Variants in FBXL20 observed in about 807,000 individuals in gnomAD.
FBXL20 encodes the protein F-box and leucine rich repeat protein 20, also known as F-box/LRR-repeat protein 20.
A neutral mutation model predicts 64.0 loss-of-function variants in FBXL20; 11 were observed. The ratio of observed to expected loss-of-function variants is 0.17; its 90% CI spans 0.11 to 0.28. The LOEUF is 0.28. Ranked by LOEUF, FBXL20 falls within the 10% of genes least tolerant of loss-of-function variation. The pLI, the probability that FBXL20 is intolerant of heterozygous loss-of-function variation, is 1.00. For missense variants in FBXL20, 303 were observed against 526.2 expected, an observed-to-expected ratio of 0.58 and a Z score of 4.15; for synonymous variants, 184 against 189.0, an observed-to-expected ratio of 0.97 and a Z score of 0.22.
chr17:39,396,409 A>AAT (rs2048183663), intron 1 of FBXL20, among the ~76,000 whole-genome samples: 2 of 151,560 alleles, frequency 1.3e-5, no homozygotes, highest in Non-Finnish European at 2.9e-5. Flanking sequence ...CAGTCTGGCC[A>AAT]ATATGGCAAA....
At chr17:39,312,824 C>A (rs1432969078) in intron 2 of FBXL20, among the ~76,000 whole-genome samples, 1 of 151,254 alleles carries the variant, frequency 6.6e-6, no homozygotes, top group African/African-American at 2.4e-5. Flanking sequence ...GATCCGCCTG[C>A]CTCAGCCTCC....
At chr17:39,263,865 T>C (rs1434124604) in intron 14 of FBXL20, 2 of 228,180 alleles carry the variant, frequency 8.8e-6, no homozygotes, top group African/African-American at 4.6e-5. Flanking sequence ...AACAAAAATG[T>C]GGCATGTGCT....
In FBXL20 at chr17:39,363,172, A is replaced by G. The variant is rs1439242908; in HGVS notation, c.43-19931T>C. ...ATTACAGGCATGTGCCACCACACCCAGCTAATTTTTTTTGTATTTTTAGTA... is the reference window on the plus strand; with the variant it reads ...ATTACAGGCATGTGCCACCACACCCGGCTAATTTTTTTTGTATTTTTAGTA... On this transcript the variant is annotated intron_variant, in intron 1 of 14. Coordinates refer to ENST00000264658, the MANE Select transcript of FBXL20 (RefSeq NM_032875.3). Among the ~76,000 whole-genome samples the G allele has an allele frequency of 2.0e-5, 3 of 151,908 alleles. No homozygotes were observed. The East Asian group carries it at 5.8e-4, about 30-fold the overall frequency.
At chr17:39,310,041 T>C (rs1052493628) in intron 2 of FBXL20, among the ~76,000 whole-genome samples, 9 of 150,986 alleles carry the variant, frequency 6.0e-5, no homozygotes, top group African/African-American at 1.9e-4. Context: ...TAGCCTCAGT[T>C]ACTCGGGAGG....
intron 14 of FBXL20, chr17:39,263,941 C>G: frequency 2.1e-6 from 1 of 466,838 alleles, no homozygotes; most frequent in Non-Finnish European, 3.9e-6. Context: ...ACAGACTCTG[C>G]TGGGAGGAGA....
intron 6 of FBXL20, among the ~76,000 whole-genome samples, chr17:39,287,258 C>T (rs1196304143): frequency 2.0e-5 from 3 of 152,074 alleles, no homozygotes; most frequent in Non-Finnish European, 4.4e-5. Context: ...TTAATATCAT[C>T]TGATACTGAA....
At chr17:39,267,708 C>G (rs2046804674) in intron 12 of FBXL20, among the ~76,000 whole-genome samples, 1 of 152,094 alleles carries the variant, frequency 6.6e-6, no homozygotes, top group Non-Finnish European at 1.5e-5. Flanking sequence ...AATTCTTCTC[C>G]AACTCTGAGT....
intron 2 of FBXL20, among the ~76,000 whole-genome samples, chr17:39,305,780 G>A (rs1383428819): frequency 6.6e-6 from 1 of 152,074 alleles, no homozygotes; most frequent in Admixed American, 6.6e-5. Context: ...GAGGTCAGGA[G>A]TTCGAGACCA....
At chr17:39,355,719 G>T (rs2047730270) in intron 1 of FBXL20, among the ~76,000 whole-genome samples, 1 of 151,968 alleles carries the variant, frequency 6.6e-6, no homozygotes, top group Non-Finnish European at 1.5e-5. Context: ...GCTGCGCGTG[G>T]TGGCAGGTGC....
At chr17:39,325,106 G>A (rs2047398069) in intron 2 of FBXL20, among the ~76,000 whole-genome samples, 1 of 152,178 alleles carries the variant, frequency 6.6e-6, no homozygotes, top group Non-Finnish European at 1.5e-5. Context: ...TACTCAGGAG[G>A]CTGAGGTGAG....
At chr17:39,276,155 G>C (rs1207260683) in intron 9 of FBXL20, among the ~76,000 whole-genome samples, 2 of 140,338 alleles carry the variant, frequency 1.4e-5, no homozygotes, top group East Asian at 2.3e-4. Flanking sequence ...GCTGACACAG[G>C]AGAATCGCTT....
chr17:39,283,003 G>T, intron 7 of FBXL20, 148 bp from the exon 8 acceptor site: 1 of 868,582 alleles, frequency 1.2e-6, no homozygotes, highest in Non-Finnish European at 1.8e-6. Flanking sequence ...TGTATATTTA[G>T]ATTTATCGAT....
intron 6 of FBXL20, among the ~76,000 whole-genome samples, chr17:39,286,782 G>C (rs2046991951): frequency 6.6e-6 from 1 of 151,524 alleles, no homozygotes; most frequent in Non-Finnish European, 1.5e-5. Context: ...TGGGCAACAA[G>C]AGTGAAACTC....
intron 2 of FBXL20, among the ~76,000 whole-genome samples, chr17:39,338,636 C>A (rs1025586747): frequency 1.1e-4 from 17 of 152,146 alleles, no homozygotes; most frequent in Non-Finnish European, 2.5e-4. Context: ...GAACATAATT[C>A]TGCAGTGGAT....
chr17:39,382,288 A>G (rs2048031599), intron 1 of FBXL20, among the ~76,000 whole-genome samples: 1 of 151,548 alleles, frequency 6.6e-6, no homozygotes, highest in Non-Finnish European at 1.5e-5. Flanking sequence ...CTAAAAATAC[A>G]AAAAATTAGC....
intron 1 of FBXL20, among the ~76,000 whole-genome samples, chr17:39,396,558 T>G (rs920247347): frequency 2.7e-5 from 4 of 146,884 alleles, no homozygotes; most frequent in Non-Finnish European, 5.9e-5. Context: ...ATCGCACCAT[T>G]GCACTCTGAC....
At chr17:39,337,394 T>C (rs1431886571) in intron 2 of FBXL20, among the ~76,000 whole-genome samples, 1 of 152,204 alleles carries the variant, frequency 6.6e-6, no homozygotes, top group Non-Finnish European at 1.5e-5. Flanking sequence ...TTGCAGCCTC[T>C]GCCCGGCCGC....
chr17:39,394,601 G>A (rs2048165496), intron 1 of FBXL20, among the ~76,000 whole-genome samples: 1 of 145,454 alleles, frequency 6.9e-6, no homozygotes, highest in Admixed American at 7.0e-5. Context: ...GTCTCATTCT[G>A]TCTCCCAGGC....
intron 8 of FBXL20, among the ~76,000 whole-genome samples, chr17:39,281,685 A>G (rs2046951713): frequency 6.6e-6 from 1 of 152,180 alleles, no homozygotes; most frequent in Non-Finnish European, 1.5e-5. Flanking sequence ...TCACATAATC[A>G]TCAAATCAAG....
Sources: gnomAD v4.1 joint callset for allele counts (sites outside exome capture counted in the v4.1 genomes callset) on GRCh38, gnomAD v4.1.1 for gene constraint, MANE v1.5 for transcripts, NCBI Gene and HGNC (gene_info 2026-07-23, HGNC 2026-07-21) for gene names.